Variants in NEB observed in about 807,000 individuals in gnomAD.
NEB encodes the protein nemaline myopathy type 2.
In NEB, 512 loss-of-function variants were observed where a neutral mutation model predicts 952.2. The observed-to-expected ratio is 0.54, with a 90% CI of 0.50 to 0.58. NEB has a LOEUF of 0.58. Among genes scored for constraint, NEB ranks in the 20% least tolerant of loss-of-function variants. The probability of loss-of-function intolerance (pLI) is 0.00; values close to 1 mark genes in which losing one functional copy is unlikely to be tolerated. For synonymous variants in NEB, 2,900 were observed against 3,149.8 expected (o/e 0.92, Z 2.66); for missense variants, 8,428 against 9,231.1 (o/e 0.91, Z 3.56).
intron 134 of NEB, 41 bp from the exon 135 acceptor site, chr2:151,546,039 T>C: frequency 8.3e-7 from 1 of 1,199,198 alleles, no homozygotes; most frequent in Non-Finnish European, 1.2e-6. Flanking sequence ...AGTTGATTAA[T>C]CATTTAAGGG....
intron 181 of NEB, 43 bp from the exon 182 acceptor site, chr2:151,485,976 T>A (rs1440671459): frequency 6.3e-7 from 1 of 1,581,896 alleles, no homozygotes; most frequent in African/African-American, 1.3e-5. Context: ...TATGTTGGAT[T>A]TGCAACAGTT....
intron 16 of NEB, 90 bp downstream of exon 16, chr2:151,697,058 T>G (rs971750433): frequency 1.3e-5 from 13 of 977,810 alleles, no homozygotes; most frequent in Non-Finnish European, 1.8e-5. Context: ...GGCTTACATT[T>G]ATTTGTAAAA....
chr2:151,576,171 T>G lies in NEB; in HGVS notation c.16888A>C (p.Asn5630His). Residue 5630 changes from asparagine (N) to histidine (H), a missense_variant, in exon 106 of 182, where the codon AAT becomes CAT. Transcript: ENST00000397345. Reference sequence around the variant, plus strand: ...CTCACAATACTAATATTTTCAGCATTTGATTTAGCAAGGACCACTTCAGGT... The same window carrying G: ...CTCACAATACTAATATTTTCAGCATGTGATTTAGCAAGGACCACTTCAGGT... ...DTPEVVLAKS[N>H]AENISIPKYR... The G allele has an allele frequency of 6.3e-7, 1 of 1,598,768 alleles. No individual in the cohort carries two copies. Among genetic ancestry groups the G allele is most frequent in the Non-Finnish European group, 8.5e-7 (1 of 1,170,334 alleles).
At chr2:151,631,403 A>C in intron 65 of NEB, 57 bp from the exon 66 acceptor site, 1 of 1,527,828 alleles carries the variant, frequency 6.5e-7, no homozygotes, top group Non-Finnish European at 8.9e-7. Context: ...TTTAGGGTAA[A>C]TATGCAAATA....
At chr2:151,575,507 T>C (rs2096796692) in intron 107 of NEB, among the ~76,000 whole-genome samples, 188 bp downstream of exon 107, 1 of 152,240 alleles carries the variant, frequency 6.6e-6, no homozygotes, top group Non-Finnish European at 1.5e-5. Flanking sequence ...CACCAGTAAC[T>C]GGCCTTGCCC....
At chr2:151,624,490 G>A (rs887393122) in intron 71 of NEB, among the ~76,000 whole-genome samples, 7 of 152,038 alleles carry the variant, frequency 4.6e-5, no homozygotes, top group African/African-American at 1.4e-4. Context: ...AAGAGAAAAT[G>A]GCCCATTCAA....
intron 25 of NEB, 92 bp downstream of exon 25, chr2:151,688,200 T>C (rs2099517752): frequency 9.4e-7 from 1 of 1,068,418 alleles, no homozygotes; most frequent in Admixed American, 2.5e-5. Flanking sequence ...AAGTTGTTTA[T>C]TTGCACAATT....
At chr2:151,644,608 C>T (rs2098930193) in intron 55 of NEB, 33 bp from the exon 56 acceptor site, 1 of 1,525,350 alleles carries the variant, frequency 6.6e-7, no homozygotes, top group East Asian at 2.3e-5. Context: ...TTGGGAAATA[C>T]TGTTCCCCAT....
chr2:151,692,489 C>T (rs2099563639), intron 20 of NEB, 127 bp from the exon 21 acceptor site: 1 of 767,142 alleles, frequency 1.3e-6, no homozygotes, highest in Non-Finnish European at 2.2e-6. Context: ...CATCAATTTT[C>T]CACAAAGCAG....
rs2098681109 is a variant in NEB at position 151,632,162 on chromosome 2, A to AT, written c.9415-817_9415-816insA. On this transcript the variant is annotated intron_variant, in intron 65 of 181. Transcript: ENST00000397345. ...CCATATTTTTCTCACTTTATTAAAAAATTTTTTTTTGCTGAAGGTTTTTAT... is the reference window on the plus strand; with the variant it reads ...CCATATTTTTCTCACTTTATTAAAAATATTTTTTTTTGCTGAAGGTTTTTAT... 4.6e-5 allele frequency among the ~76,000 whole-genome samples: 7 copies of AT among 152,056 alleles called. No homozygotes were observed. The East Asian group carries it at 9.7e-4, about 21-fold the overall frequency.
At chr2:151,521,622 T>A (rs888789271) in intron 153 of NEB, among the ~76,000 whole-genome samples, 3 of 152,258 alleles carry the variant, frequency 2.0e-5, no homozygotes, top group African/African-American at 4.8e-5. Flanking sequence ...CTGCTTTTTT[T>A]AGAAGCATAC....
At chr2:151,519,516 G>A in intron 154 of NEB, 142 bp downstream of exon 154, 6 of 670,772 alleles carry the variant, frequency 8.9e-6, no homozygotes, top group African/African-American at 1.8e-5. Context: ...TATAGTTTCT[G>A]TTGGTATGAA....
chr2:151,696,617 G>C lies in NEB; in HGVS notation c.1569+20C>G. On this transcript the variant is annotated intron_variant, in intron 17 of 181. Coordinates refer to ENST00000397345, the MANE Select transcript of NEB (RefSeq NM_001164508.2). ...GTTATCCCTCATAATTGGGTGTCCTGAGTAGTTAGAGGAACTTACGTCACT... is the reference window on the plus strand; with the variant it reads ...GTTATCCCTCATAATTGGGTGTCCTCAGTAGTTAGAGGAACTTACGTCACT... The C allele has an allele frequency of 2.5e-6, 4 of 1,572,272 alleles. No individual in the cohort carries two copies. The highest frequency in any genetic ancestry group is 3.5e-6 in the Non-Finnish European group (4 of 1,142,142).
intron 142 of NEB, among the ~76,000 whole-genome samples, chr2:151,533,996 C>A (rs932595308): frequency 2.0e-5 from 3 of 152,180 alleles, no homozygotes; most frequent in Non-Finnish European, 2.9e-5. Flanking sequence ...CCCAGCTTTT[C>A]CTTTCATCTT....
intron 158 of NEB, 73 bp downstream of exon 158, chr2:151,514,745 G>T: frequency 1.8e-6 from 2 of 1,089,370 alleles, no homozygotes; most frequent in South Asian, 1.5e-5. Flanking sequence ...AATGGTAGGA[G>T]GAACACATTA....
At position 151,505,538 on chromosome 2, in the gene NEB, A is replaced by C; in HGVS notation, c.23682T>G (p.Thr7894=). ...VKYKEAIGQG[T]PIPDLPEVKR... is the part of the protein sequence containing the mutation. ...TCACTTCAGGCAGGTCAGGGATTGG[A>C]GTTCCTTGTCCTATTGCTTCCTTAT... The change falls in exon 165 of 182, where the codon ACT becomes ACG. Residue 7894 remains threonine (T), a synonymous_variant. Transcript: ENST00000397345. 6 of 1,613,800 alleles carry C rather than the reference A, an allele frequency of 3.7e-6. No homozygotes were observed. The highest frequency in any genetic ancestry group is 5.1e-6 in the Non-Finnish European group (6 of 1,179,746).
At chr2:151,702,313 G>T (rs1396325273) in intron 13 of NEB, among the ~76,000 whole-genome samples, 2 of 151,892 alleles carry the variant, frequency 1.3e-5, no homozygotes, top group Non-Finnish European at 2.9e-5. Context: ...GAATAGGTGT[G>T]GTGTGGTGCT....
At chr2:151,514,000 A>G (rs1457194099) in intron 159 of NEB, among the ~76,000 whole-genome samples, 1 of 152,254 alleles carries the variant, frequency 6.6e-6, no homozygotes, top group Non-Finnish European at 1.5e-5. Flanking sequence ...TACATAACTA[A>G]GATTACACTT....
chr2:151,573,936 TC>T (rs1179778371), intron 107 of NEB, among the ~76,000 whole-genome samples: 2 of 152,126 alleles, frequency 1.3e-5, no homozygotes, highest in African/African-American at 4.8e-5. Flanking sequence ...TTGGCCTCTT[TC>T]TTTCCAATAT....
Sources: gnomAD v4.1 joint callset for allele counts (sites outside exome capture counted in the v4.1 genomes callset) on GRCh38, gnomAD v4.1.1 for gene constraint, MANE v1.5 for transcripts, NCBI Gene and HGNC (gene_info 2026-07-23, HGNC 2026-07-21) for gene names.